The following EML1 variants were observed in gnomAD, a reference collection of about 807,000 sequenced individuals.
EML1 encodes the protein EMAP like 1.
A neutral mutation model predicts 110.4 loss-of-function variants in EML1; 27 were observed. That is an observed-to-expected ratio of 0.24 (90% CI 0.18 to 0.34). EML1 has a LOEUF of 0.34. Among genes scored for constraint, EML1 ranks in the 10% least tolerant of loss-of-function variants. The pLI is 1.00. For missense variants in EML1, 741 were observed against 1,030.9 expected (o/e 0.72, Z 3.85); for synonymous variants, 344 against 385.8 (o/e 0.89, Z 1.27).
intron 17 of EML1, among the ~76,000 whole-genome samples, chr14:99,932,765 G>T (rs1354965782): frequency 6.6e-6 from 1 of 151,912 alleles, no homozygotes; most frequent in Non-Finnish European, 1.5e-5. Context: ...GGATGATGTT[G>T]TAACATGACT....
upstream of EML1, chr14:99,792,670 A>G (rs2057689621): frequency 6.6e-6 from 1 of 152,250 alleles, no homozygotes; most frequent in Non-Finnish European, 1.5e-5. Context: ...CTGATCATAG[A>G]GAAACCACAA....
intron 1 of EML1, among the ~76,000 whole-genome samples, chr14:99,826,105 A>ATTTTTTTTTTTTTTTTTTTTTTTTTTTT (rs71113225): frequency 3.8e-5 from 3 of 79,968 alleles, no homozygotes; most frequent in African/African-American, 1.5e-4. Flanking sequence ...CTGTGCATTG[A>ATTTTTTTTTTTTTTTTTTTTTTTTTTTT]TTTTTTTTTT....
intron 1 of EML1, among the ~76,000 whole-genome samples, chr14:99,746,239 A>G (rs1007572746): frequency 6.6e-6 from 1 of 152,182 alleles, no homozygotes; most frequent in African/African-American, 2.4e-5. Flanking sequence ...GCTGTCCCCA[A>G]CCTGGGGTCA....
chr14:99,745,900 G>C (rs1401830869), intron 1 of EML1, among the ~76,000 whole-genome samples: 1 of 152,208 alleles, frequency 6.6e-6, no homozygotes, highest in Non-Finnish European at 1.5e-5. Context: ...ACTGTGGTTT[G>C]AGGCTAGAGC....
In EML1 at chr14:99,781,777, A is replaced by G. The variant is rs11627725; in HGVS notation, c.-27+7764A>G. ...CCCTCTTTGACATTAACAGAGCTGG[A>G]TGTCTCATCAGTTTCCAGACATACT... On this transcript the variant is annotated intron_variant, in intron 1 of 22. Transcript: ENST00000327921. This position sits in a 1 kb window ranked among gnomAD's most constrained non-coding sequence, Gnocchi z 4.2. Among the ~76,000 whole-genome samples, 76,204 of 151,784 alleles carry G rather than the reference A, an allele frequency of 0.5. 19,247 individuals carry two copies. The highest frequency in any genetic ancestry group is 0.57 in the East Asian group (2,907 of 5,140).
chr14:99,779,821 G>A (rs967834616), intron 1 of EML1, among the ~76,000 whole-genome samples: 7 of 152,202 alleles, frequency 4.6e-5, no homozygotes, highest in Non-Finnish European at 8.8e-5. Flanking sequence ...CCTTTGTGTA[G>A]AGAACCCCTT....
intron 4 of EML1, among the ~76,000 whole-genome samples, chr14:99,884,379 G>A (rs1431589751): frequency 6.6e-6 from 1 of 152,190 alleles, no homozygotes; most frequent in Non-Finnish European, 1.5e-5. Context: ...TGCTGTGCTG[G>A]ACTTATGGAG....
intron 6 of EML1, 41 bp downstream of exon 6, chr14:99,894,799 AG>A (rs1444051908): frequency 2.5e-6 from 4 of 1,578,134 alleles, no homozygotes; most frequent in Non-Finnish European, 3.4e-6. Flanking sequence ...TGAAGTTATC[AG>A]TCAATCAATG....
intron 6 of EML1, among the ~76,000 whole-genome samples, chr14:99,895,764 T>TCA (rs1566924034): frequency 2.4e-4 from 7 of 28,592 alleles, no homozygotes; most frequent in Non-Finnish European, 4.5e-4. Context: ...TCATCCTACT[T>TCA]TAAAAAAAAA....
chr14:99,793,943 A>G (rs1006388734), intron 1 of EML1, among the ~76,000 whole-genome samples: 16 of 152,104 alleles, frequency 1.1e-4, no homozygotes, highest in African/African-American at 3.9e-4. Context: ...GACTGGATGA[A>G]GAACTCGGGA....
At chr14:99,882,137 T>C (rs1171336089) in intron 4 of EML1, among the ~76,000 whole-genome samples, 1 of 152,254 alleles carries the variant, frequency 6.6e-6, no homozygotes, top group Non-Finnish European at 1.5e-5. Flanking sequence ...TATGTATTAT[T>C]GATGATAAAT....
At chr14:99,760,421 T>G (rs1191973947) in intron 1 of EML1, among the ~76,000 whole-genome samples, 1 of 152,228 alleles carries the variant, frequency 6.6e-6, no homozygotes, top group African/African-American at 2.4e-5. Flanking sequence ...AATGACCATT[T>G]TAACAACTGC....
intron 3 of EML1, among the ~76,000 whole-genome samples, chr14:99,867,480 T>C (rs1295610849): frequency 6.6e-6 from 1 of 152,220 alleles, no homozygotes; most frequent in Non-Finnish European, 1.5e-5. Context: ...GTCTTTCTCT[T>C]TTTTTGTATT....
At chr14:99,921,929 A>G (rs896929924) in intron 17 of EML1, among the ~76,000 whole-genome samples, 1 of 152,166 alleles carries the variant, frequency 6.6e-6, no homozygotes, top group African/African-American at 2.4e-5. Context: ...AGTCCGAGGA[A>G]ACTACTGATC....
chr14:99,851,828 CG>C lies in EML1; in HGVS notation c.250+796del, dbSNP rs370285305. On this transcript the variant is annotated intron_variant, in intron 2 of 21. Transcript: ENST00000262233. ...CCAAGCACTGGGGGTGCAGAGGTGGCGGGCCTCCCTCTGAGGAGCTCAGAGT... is the reference window on the plus strand; with the variant it reads ...CCAAGCACTGGGGGTGCAGAGGTGGCGGCCTCCCTCTGAGGAGCTCAGAGT... 2.4e-4 allele frequency among the ~76,000 whole-genome samples: 37 copies of C among 152,232 alleles called. No homozygotes were observed. The East Asian group carries it at 5.4e-3, about 22-fold the overall frequency.
chr14:99,845,051 A>T (rs1174215846), intron 1 of EML1, among the ~76,000 whole-genome samples: 1 of 152,198 alleles, frequency 6.6e-6, no homozygotes, highest in Non-Finnish European at 1.5e-5. Flanking sequence ...TTGCTAGGTC[A>T]TATTGGAAAT....
chr14:99,789,497 C>T (rs748195153), upstream of EML1, among the ~76,000 whole-genome samples: 2 of 152,244 alleles, frequency 1.3e-5, no homozygotes, highest in Non-Finnish European at 2.9e-5. Flanking sequence ...GCGTAAGCCA[C>T]CATGCCTGGC....
chr14:99,893,072 G>A (rs1273394036), intron 5 of EML1, among the ~76,000 whole-genome samples: 4 of 152,200 alleles, frequency 2.6e-5, no homozygotes, highest in Non-Finnish European at 5.9e-5. Context: ...AGAACAGCAT[G>A]AGCGGTGGCA....
intron 1 of EML1, 62 bp from the exon 2 acceptor site, chr14:99,850,791 A>G: frequency 6.4e-7 from 1 of 1,554,292 alleles, no homozygotes; most frequent in Non-Finnish European, 8.8e-7. Flanking sequence ...TAGATAGAGT[A>G]TGTTTATAGA....
Sources: gnomAD v4.1 joint callset for allele counts (sites outside exome capture counted in the v4.1 genomes callset) on GRCh38, gnomAD v4.1.1 for gene constraint, Gnocchi (gnomAD v3.1) non-coding constraint, MANE v1.5 for transcripts, NCBI Gene and HGNC (gene_info 2026-07-23, HGNC 2026-07-21) for gene names.